The following EBF1 variants were observed in gnomAD, a reference collection of about 807,000 sequenced individuals.
The protein encoded by EBF1 is EBF transcription factor 1, also known as transcription factor COE1.
A neutral mutation model predicts 68.4 loss-of-function variants in EBF1; 10 were observed. The observed-to-expected ratio is 0.15, with a 90% CI of 0.09 to 0.25. EBF1 has a LOEUF of 0.25. Among genes scored for constraint, EBF1 ranks in the 10% least tolerant of loss-of-function variants. The pLI is 1.00. For missense variants in EBF1, 509 were observed against 794.4 expected, an observed-to-expected ratio of 0.64 and a Z score of 4.32; for synonymous variants, 298 against 299.8, an observed-to-expected ratio of 0.99 and a Z score of 0.06.
At chr5:159,075,418 G>A (rs1211722292) in intron 5 of EBF1, among the ~76,000 whole-genome samples, 1 of 152,208 alleles carries the variant, frequency 6.6e-6, no homozygotes, top group Non-Finnish European at 1.5e-5. Context: ...TGCCGGTTGA[G>A]AAAACCTATT....
chr5:158,712,823 A>G, intron 13 of EBF1, 147 bp downstream of exon 13: 2 of 766,486 alleles, frequency 2.6e-6, no homozygotes, highest in African/African-American at 1.8e-5. Context: ...TAGGACCAAT[A>G]TTGTACAATA....
chr5:158,846,287 G>A (rs1183884483), intron 6 of EBF1, among the ~76,000 whole-genome samples: 4 of 152,148 alleles, frequency 2.6e-5, no homozygotes, highest in African/African-American at 9.7e-5. Flanking sequence ...ATGATTAAAA[G>A]GACCTCTTTG....
At chr5:158,758,943 AATG>A (rs1019488405) in intron 10 of EBF1, among the ~76,000 whole-genome samples, 3 of 152,168 alleles carry the variant, frequency 2.0e-5, no homozygotes, top group Non-Finnish European at 4.4e-5. Context: ...CCAGCTTCAT[AATG>A]ATGATTTCTT....
At chr5:158,731,743 A>G (rs1273133940) in intron 10 of EBF1, among the ~76,000 whole-genome samples, 3 of 152,014 alleles carry the variant, frequency 2.0e-5, no homozygotes, top group African/African-American at 7.2e-5. Flanking sequence ...CTGATTCAAA[A>G]CTCTCACATC....
chr5:158,873,199 A>T (rs188817797), intron 6 of EBF1, among the ~76,000 whole-genome samples: 1 of 152,218 alleles, frequency 6.6e-6, no homozygotes, highest in East Asian at 1.9e-4. Flanking sequence ...AGAAAAGCCG[A>T]CTGACCAGAA....
intron 10 of EBF1, among the ~76,000 whole-genome samples, chr5:158,775,432 C>T (rs1228797443): frequency 2.0e-5 from 3 of 151,992 alleles, no homozygotes; most frequent in Admixed American, 1.3e-4. Context: ...GTCACCAAAG[C>T]GGAAACCATG....
chr5:158,786,089 G>A (rs183708511), intron 9 of EBF1, among the ~76,000 whole-genome samples: 1 of 151,990 alleles, frequency 6.6e-6, no homozygotes, highest in East Asian at 1.9e-4. Flanking sequence ...AGTTTCTTAT[G>A]AATCTACAAA....
At chr5:158,913,725 G>A (rs1236576435) in intron 6 of EBF1, among the ~76,000 whole-genome samples, 1 of 152,178 alleles carries the variant, frequency 6.6e-6, no homozygotes, top group East Asian at 1.9e-4. Flanking sequence ...ACCTACCAAG[G>A]ATACAGTGCC....
chr5:158,726,055 A>G (rs997286846), intron 11 of EBF1, among the ~76,000 whole-genome samples: 1 of 152,256 alleles, frequency 6.6e-6, no homozygotes, highest in African/African-American at 2.4e-5. Context: ...AACAGTAATC[A>G]TTTTAAAAAC....
rs1302148190 is a variant in EBF1 at position 158,969,900 on chromosome 5, GAAAGAAAGAAAGAAAGAA to G, written c.554+103478_554+103495del. Among the ~76,000 whole-genome samples the G allele has an allele frequency of 2.1e-3, 220 of 107,220 alleles. 4 individuals carry two copies. Among genetic ancestry groups the G allele is most frequent in the Middle Eastern group, 4.4e-3 (1 of 226 alleles). 70.3% of individuals were successfully genotyped at this position (107,220 alleles called of 152,430 possible). On this transcript the variant is annotated intron_variant, in intron 6 of 15. Transcript: ENST00000313708. ...AGAAAGAAAGAAAGAAAGAAAGAAA[GAAAGAAAGAAAGAAAGAA>G]AAAAAAAAAAAAGGCTGCTGGAAGT...
intron 6 of EBF1, among the ~76,000 whole-genome samples, chr5:158,903,615 C>T (rs569868179): frequency 6.6e-6 from 1 of 152,054 alleles, no homozygotes; most frequent in South Asian, 2.1e-4. Context: ...AAAAAAAACG[C>T]AGTCTGCTAA....
At position 158,796,615 on chromosome 5, in the gene EBF1, AG is replaced by A; in HGVS notation, c.779-141del. ...GTCCCTCAAGATCTCAGCATTTCCC[AG>A]CCACATTAGGACCTGAAACTTCAGG... On this transcript the variant is annotated intron_variant, in intron 8 of 15. Transcript: ENST00000313708. 3 of 1,054,082 alleles carry A rather than the reference AG, an allele frequency of 2.8e-6. No individual in the cohort carries two copies. In the Middle Eastern group the frequency reaches 6.7e-4, roughly 237 times the overall value. The allele number at this position is 1,054,082 out of a possible 1,614,324, so 65.3% of individuals were successfully genotyped here. A position where few individuals can be genotyped will look rare whatever the true frequency, so the allele number is the denominator to read the frequency against.
chr5:159,095,496 T>G, intron 4 of EBF1, 124 bp downstream of exon 4: 1 of 1,140,634 alleles, frequency 8.8e-7, no homozygotes, highest in Non-Finnish European at 1.3e-6. Context: ...AAGTTTGGTC[T>G]GAGCCGCCCC....
chr5:158,874,946 G>C (rs894097039), intron 6 of EBF1, among the ~76,000 whole-genome samples: 1 of 151,992 alleles, frequency 6.6e-6, no homozygotes, highest in Non-Finnish European at 1.5e-5. Context: ...CAAGGCCTGA[G>C]ATGGCAATTA....
At chr5:159,066,531 C>T (rs1177261898) in intron 6 of EBF1, among the ~76,000 whole-genome samples, 3 of 151,886 alleles carry the variant, frequency 2.0e-5, no homozygotes, top group Admixed American at 1.3e-4. Flanking sequence ...AAGTTTGCAT[C>T]ATTTAACATA....
intron 7 of EBF1, among the ~76,000 whole-genome samples, chr5:158,832,600 C>A (rs1476400551): frequency 6.6e-6 from 1 of 152,156 alleles, no homozygotes; most frequent in Non-Finnish European, 1.5e-5. Flanking sequence ...ACATCCAAGA[C>A]AGGGGCTGGG....
At chr5:158,971,889 T>C (rs1191727172) in intron 6 of EBF1, among the ~76,000 whole-genome samples, 1 of 152,158 alleles carries the variant, frequency 6.6e-6, no homozygotes, top group East Asian at 1.9e-4. Context: ...GAGATTAATA[T>C]TAAAGATTCA....
At chr5:158,739,515 A>G (rs924750801) in intron 10 of EBF1, among the ~76,000 whole-genome samples, 21 of 152,278 alleles carry the variant, frequency 1.4e-4, no homozygotes, top group African/African-American at 4.6e-4. Context: ...TGACCTTTCA[A>G]TCTTTTTCAT....
chr5:158,716,964 T>C (rs921119533), intron 11 of EBF1, among the ~76,000 whole-genome samples: 1 of 152,216 alleles, frequency 6.6e-6, no homozygotes, highest in African/African-American at 2.4e-5. Flanking sequence ...AGGGACTAAA[T>C]TGAAGTAGCT....
Sources: gnomAD v4.1 joint callset for allele counts (sites outside exome capture counted in the v4.1 genomes callset) on GRCh38, gnomAD v4.1.1 for gene constraint, MANE v1.5 for transcripts, NCBI Gene and HGNC (gene_info 2026-07-23, HGNC 2026-07-21) for gene names.